COL4A2: variants seen among roughly 807,000 people sequenced by gnomAD.
COL4A2 encodes collagen type IV alpha 2 chain, also known as collagen alpha-2(IV) chain.
A neutral mutation model predicts 200.2 loss-of-function variants in COL4A2; 99 were observed. The ratio of observed to expected loss-of-function variants is 0.49; its 90% confidence interval spans 0.42 to 0.58. The LOEUF is 0.58. COL4A2 is among the 20% of genes least tolerant of loss of function. The pLI, the probability that COL4A2 is intolerant of heterozygous loss-of-function variation, is 0.00. For missense variants in COL4A2, 1,950 were observed against 2,314.1 expected (o/e 0.84, Z 3.23); for synonymous variants, 897 against 900.6 (o/e 1.00, Z 0.07).
At chr13:110,489,255 TAAAC>T (rs1049582285) in intron 34 of COL4A2, among the ~76,000 whole-genome samples, 186 bp from the exon 35 acceptor site, 1 of 151,912 alleles carries the variant, frequency 6.6e-6, no homozygotes, top group Non-Finnish European at 1.5e-5. Context: ...AATAAATAAA[TAAAC>T]AAAAAGAACA....
chr13:110,416,104 C>T (rs1445226291), intron 4 of COL4A2, among the ~76,000 whole-genome samples: 1 of 152,262 alleles, frequency 6.6e-6, no homozygotes, highest in African/African-American at 2.4e-5. Context: ...CTAATTGTCA[C>T]TCTCTAACCG....
intron 4 of COL4A2, among the ~76,000 whole-genome samples, chr13:110,397,887 A>G (rs938787908): frequency 6.6e-6 from 1 of 152,202 alleles, no homozygotes; most frequent in African/African-American, 2.4e-5. Flanking sequence ...CACAAACGTT[A>G]AACTTTAGCA....
intron 29 of COL4A2, among the ~76,000 whole-genome samples, chr13:110,477,459 C>T (rs1481831876): frequency 6.6e-6 from 1 of 152,170 alleles, no homozygotes; most frequent in Admixed American, 6.5e-5. Flanking sequence ...TGCTTTGATA[C>T]ACGATGTCAG....
rs1878950614 is a variant in COL4A2 at position 110,390,631 on chromosome 13, AC to A, written c.180+33081del. 2.0e-5 allele frequency among the ~76,000 whole-genome samples: 3 copies of A among 152,210 alleles called. No individual in the cohort carries two copies. In the South Asian group the frequency reaches 6.2e-4, roughly 32 times the overall value. On this transcript the variant is annotated intron_variant, in intron 4 of 47. Coordinates refer to ENST00000360467, the MANE Select transcript of COL4A2 (RefSeq NM_001846.4). Reference sequence around the variant, plus strand: ...TAGTTATTCCATAGGGCAGCTGGAAACCATTCTTTAGGGACTGGAAAGTCCA... The same window carrying A: ...TAGTTATTCCATAGGGCAGCTGGAAACATTCTTTAGGGACTGGAAAGTCCA...
rs1385336937 is a variant in COL4A2, at chr13:110,428,600, C to T, written c.477+17C>T. On this transcript the variant is annotated intron_variant, in intron 7 of 47. Coordinates refer to ENST00000360467, the MANE Select transcript of COL4A2 (RefSeq NM_001846.4). ...GGGCCTCCCGTGAGTATCCCCACAG[C>T]GCCTGTGCTCCAGGGACGGGCAGAC... 4.2e-6 allele frequency: 6 copies of T among 1,417,948 alleles called. No individual in the cohort carries two copies. The highest frequency in any genetic ancestry group is 5.7e-6 in the Non-Finnish European group (6 of 1,055,264). 87.8% of individuals were successfully genotyped at this position (1,417,948 alleles called of 1,614,324 possible).
rs953288516 is a variant in COL4A2, at chr13:110,338,875, G to A, written c.100-18597G>A. Among the ~76,000 whole-genome samples the A allele has an allele frequency of 2.3e-4, 35 of 152,340 alleles. 1 individual carries two copies. Among genetic ancestry groups the A allele is most frequent in the Admixed American group, 1.1e-3 (17 of 15,306 alleles). On this transcript the variant is annotated intron_variant, in intron 3 of 47. Coordinates refer to ENST00000360467, the MANE Select transcript of COL4A2 (RefSeq NM_001846.4). ...ACAACGCTTGTGGAGTAAGGAGCTC[G>A]GGTTTTTGTTTGGGGCTTTGTTTTG...
intron 10 of COL4A2, among the ~76,000 whole-genome samples, chr13:110,431,603 C>G (rs906433475): frequency 1.3e-5 from 2 of 152,174 alleles, no homozygotes; most frequent in African/African-American, 4.8e-5. Context: ...GGCTTAGTCA[C>G]GGCACACATG....
intron 4 of COL4A2, among the ~76,000 whole-genome samples, chr13:110,362,414 A>C (rs971231152): frequency 6.6e-6 from 1 of 152,140 alleles, no homozygotes; most frequent in African/African-American, 2.4e-5. Flanking sequence ...CCCAGGCTCA[A>C]GCAGTTCTCC....
intron 3 of COL4A2, among the ~76,000 whole-genome samples, chr13:110,345,004 G>A (rs551395131): frequency 2.2e-4 from 33 of 152,228 alleles, no homozygotes; most frequent in Admixed American, 1.8e-3. Context: ...GTGGTTTGCT[G>A]TGTGGTTTTG....
At chr13:110,471,500 CAG>C (rs1156494972) in intron 28 of COL4A2, among the ~76,000 whole-genome samples, 1 of 152,224 alleles carries the variant, frequency 6.6e-6, no homozygotes, top group Non-Finnish European at 1.5e-5. Flanking sequence ...TTGCAAAAAT[CAG>C]AGAGTCTATT....
Position 110,493,236 on chromosome 13 carries a change from C to T in COL4A2, c.3588C>T (p.Arg1196=), listed in dbSNP as rs1204830293. Residue 1196 remains arginine, a synonymous_variant, in exon 39 of 48, where the codon CGC becomes CGT. Transcript: ENST00000360467. ...LPGFPGLRGI[R]GLHGLPGTKG... Reference sequence around the variant, plus strand: ...GTTTTCCGGGACTCCGTGGGATCCGCGGCTTACACGGCTTGCCAGGCACCA... The same window carrying T: ...GTTTTCCGGGACTCCGTGGGATCCGTGGCTTACACGGCTTGCCAGGCACCA... 11 of 1,614,050 alleles carry T rather than the reference C, an allele frequency of 6.8e-6. No individual in the cohort carries two copies. The highest frequency in any genetic ancestry group is 1.7e-5 in the Admixed American group (1 of 60,006).
intron 4 of COL4A2, among the ~76,000 whole-genome samples, chr13:110,417,515 A>T (rs1320051050): frequency 6.6e-6 from 1 of 152,186 alleles, no homozygotes; most frequent in African/African-American, 2.4e-5. Context: ...TTGACATGCA[A>T]GTCATTGAAT....
chr13:110,487,839 G>A (rs1883162392), intron 34 of COL4A2, among the ~76,000 whole-genome samples: 1 of 152,192 alleles, frequency 6.6e-6, no homozygotes, highest in Non-Finnish European at 1.5e-5. Flanking sequence ...TGCTGACAGT[G>A]TTCTGTGTCT....
At chr13:110,445,355 C>T (rs1034743242) in intron 16 of COL4A2, among the ~76,000 whole-genome samples, 5 of 152,144 alleles carry the variant, frequency 3.3e-5, no homozygotes, top group Non-Finnish European at 5.9e-5. Flanking sequence ...CAGCATCCTC[C>T]GCAAATGATC....
At position 110,424,988 on chromosome 13, in the gene COL4A2, T is replaced by A. The variant is rs1470242849; in HGVS notation, c.351T>A (p.Asp117Glu). Residue 117 changes from aspartate (D) to glutamate (E), a missense_variant, in exon 6 of 48, where the codon GAT (aspartate) becomes GAA (glutamate). By Grantham distance (45) the Asp-to-Glu change is conservative (BLOSUM62 2). Transcript: ENST00000360467. ...GCGTTTCTGGATTCCCTGGTGCCGA[T>A]GGAATTCCTGTAAGTTTTATGGAAG... ...ARGVSGFPGA[D>E]GIPGHPGQGG... 1 of 1,614,272 alleles carries A rather than the reference T, an allele frequency of 6.2e-7. No individual in the cohort carries two copies. Among genetic ancestry groups the A allele is most frequent in the Non-Finnish European group, 8.5e-7 (1 of 1,180,054 alleles).
chr13:110,480,010 A>G (rs530877147), intron 30 of COL4A2, among the ~76,000 whole-genome samples: 1 of 51,880 alleles, frequency 1.9e-5, no homozygotes, highest in Non-Finnish European at 4.4e-5. Context: ...CCGCCAGCAC[A>G]GCCTCAACCT....
intron 3 of COL4A2, among the ~76,000 whole-genome samples, chr13:110,330,376 C>A (rs755087977): frequency 4.0e-5 from 6 of 151,824 alleles, no homozygotes; most frequent in Non-Finnish European, 5.9e-5. Flanking sequence ...GGTGGCGAGT[C>A]GGAATGAAGC....
chr13:110,309,860 G>A (rs573477977), intron 3 of COL4A2, among the ~76,000 whole-genome samples: 4 of 152,136 alleles, frequency 2.6e-5, no homozygotes, highest in African/African-American at 9.7e-5. Flanking sequence ...GCTTGGTGGC[G>A]CTTGCCTGTA....
intron 10 of COL4A2, among the ~76,000 whole-genome samples, chr13:110,432,117 C>T (rs1880704901): frequency 6.6e-6 from 1 of 152,214 alleles, no homozygotes; most frequent in Non-Finnish European, 1.5e-5. Flanking sequence ...TGTCCGTAGA[C>T]AGCCGGCAGA....
Sources: gnomAD v4.1 joint callset for allele counts (sites outside exome capture counted in the v4.1 genomes callset) on GRCh38, gnomAD v4.1.1 for gene constraint, MANE v1.5 for transcripts, NCBI Gene and HGNC (gene_info 2026-07-23, HGNC 2026-07-21) for gene names.